Variants in CCDC150 observed in about 807,000 individuals in gnomAD.
CCDC150 encodes the protein coiled-coil domain containing 150, also known as coiled-coil domain-containing protein 150.
Under a neutral mutation model 156.5 loss-of-function variants are expected in CCDC150, and 151 were observed. The observed-to-expected ratio is 0.97, with a 90% CI of 0.85 to 1.10. The LOEUF is 1.10. Ranked by LOEUF, CCDC150 falls within the 50% of genes least tolerant of loss-of-function variation. CCDC150 has a pLI of 0.00. For missense variants in CCDC150, 1,312 were observed against 1,268.1 expected (o/e 1.03, Z -0.53); for synonymous variants, 452 against 429.4 (o/e 1.05, Z -0.65).
chr2:196,678,127 TAAAC>T (rs2125619989), intron 13 of CCDC150, among the ~76,000 whole-genome samples: 1 of 152,330 alleles, frequency 6.6e-6, no homozygotes, highest in Non-Finnish European at 1.5e-5. Flanking sequence ...TTATTAAAAT[TAAAC>T]AAGAACCAAT....
In CCDC150 at chr2:196,642,722, A is replaced by T. The variant is rs140565457; in HGVS notation, c.12+2944A>T. Among the ~76,000 whole-genome samples, 42 of 151,630 alleles carry T rather than the reference A, an allele frequency of 2.8e-4. No individual in the cohort carries two copies. In the East Asian group the frequency reaches 7.7e-3, roughly 28 times the overall value. Reference sequence around the variant, plus strand: ...GGTTGGGAGGGAAGGTTTTTAACTAACCCTGAGACTTGTTTTCATTTTTTA... The same window carrying T: ...GGTTGGGAGGGAAGGTTTTTAACTATCCCTGAGACTTGTTTTCATTTTTTA... On this transcript the variant is annotated intron_variant, in intron 1 of 27. Transcript: ENST00000389175.
chr2:196,656,511 A>C lies in CCDC150; in HGVS notation c.177-122A>C, dbSNP rs1054135905. On this transcript the variant is annotated intron_variant, in intron 2 of 27. Coordinates refer to ENST00000389175, the MANE Select transcript of CCDC150 (RefSeq NM_001080539.2). The stretch of plus-strand genomic sequence containing the variant: ...GTGGAGGGAGAGTCAGAAGCCTGCC[A>C]TGTTGGTGATGTCACTCTCCAATTA... The C allele has an allele frequency of 1.0e-5, 7 of 676,324 alleles. No individual in the cohort carries two copies. The East Asian group carries it at 1.9e-4, about 18-fold the overall frequency. The allele number at this position is 676,324 out of a possible 1,614,324, so 41.9% of individuals were successfully genotyped here. A position where few individuals can be genotyped will look rare whatever the true frequency, so the allele number is the denominator to read the frequency against.
chr2:196,662,411 G>A (rs921604251), intron 5 of CCDC150, among the ~76,000 whole-genome samples: 2 of 152,154 alleles, frequency 1.3e-5, no homozygotes, highest in African/African-American at 4.8e-5. Context: ...GAATGGTTTT[G>A]GGATGAAACT....
At chr2:196,708,632 C>T (rs932277304) in intron 15 of CCDC150, among the ~76,000 whole-genome samples, 4 of 152,172 alleles carry the variant, frequency 2.6e-5, no homozygotes, top group Non-Finnish European at 4.4e-5. Flanking sequence ...CATGTTTTTG[C>T]AGTGGCTGGT....
intron 14 of CCDC150, among the ~76,000 whole-genome samples, chr2:196,697,378 C>T (rs576843438): frequency 1.3e-5 from 2 of 152,054 alleles, no homozygotes; most frequent in South Asian, 2.1e-4. Flanking sequence ...CTGGCAGTCA[C>T]GCAGGGAACC....
intron 22 of CCDC150, 157 bp downstream of exon 22, chr2:196,726,256 A>T: frequency 1.3e-6 from 1 of 748,948 alleles, no homozygotes; most frequent in Non-Finnish European, 2.0e-6. Flanking sequence ...AGCAACACAC[A>T]AGAAAAAAGT....
chr2:196,721,612 C>T lies in CCDC150; in HGVS notation c.2350C>T (p.His784Tyr), dbSNP rs1049147073. 1 of 1,606,900 alleles carries T rather than the reference C, an allele frequency of 6.2e-7. No individual in the cohort carries two copies. The highest frequency in any genetic ancestry group is 1.3e-5 in the African/African-American group (1 of 74,860). Residue 784 changes from histidine (H) to tyrosine (Y), a missense_variant, in exon 21 of 28, where the codon CAT (histidine) becomes TAT (tyrosine). Transcript: ENST00000389175. ...SLEQALQTNN[H>Y]LQTKLDHIQE... The stretch of plus-strand genomic sequence containing the variant: ...GGAACAAGCTCTCCAGACAAATAAT[C>T]ATCTGCAAACAAAGCTAGATCACAT...
intron 15 of CCDC150, among the ~76,000 whole-genome samples, chr2:196,707,542 C>T (rs546928441): frequency 6.6e-6 from 1 of 152,204 alleles, no homozygotes; most frequent in East Asian, 1.9e-4. Flanking sequence ...TATTTCTTGC[C>T]TGCTGCTAGC....
At chr2:196,650,545 C>T (rs1266909718) in intron 2 of CCDC150, among the ~76,000 whole-genome samples, 1 of 152,190 alleles carries the variant, frequency 6.6e-6, no homozygotes, top group East Asian at 1.9e-4. Context: ...AGGCAAGTGC[C>T]ACCACGCCTG....
chr2:196,683,629 T>C (rs1405239511), intron 13 of CCDC150, among the ~76,000 whole-genome samples: 1 of 152,076 alleles, frequency 6.6e-6, no homozygotes, highest in Non-Finnish European at 1.5e-5. Flanking sequence ...AGTGAAGCCA[T>C]CTGGTTCTGG....
intron 7 of CCDC150, among the ~76,000 whole-genome samples, chr2:196,668,518 A>G (rs1244044522): frequency 6.6e-6 from 1 of 152,166 alleles, no homozygotes; most frequent in African/African-American, 2.4e-5. Context: ...AACAACAATA[A>G]TTCAAACTGA....
chr2:196,673,340 G>A (rs963002334), intron 9 of CCDC150, among the ~76,000 whole-genome samples: 9 of 152,156 alleles, frequency 5.9e-5, no homozygotes, highest in Admixed American at 5.9e-4. Context: ...TTGAACTCAG[G>A]TAACCTGGCT....
chr2:196,646,607 G>A, intron 2 of CCDC150, 103 bp downstream of exon 2: 1 of 833,178 alleles, frequency 1.2e-6, no homozygotes, highest in Non-Finnish European at 1.9e-6. Flanking sequence ...CAAAAGAACT[G>A]AGAAATAATT....
intron 18 of CCDC150, among the ~76,000 whole-genome samples, chr2:196,719,010 C>T (rs1236625475): frequency 6.6e-6 from 1 of 152,298 alleles, no homozygotes; most frequent in East Asian, 1.9e-4. Flanking sequence ...GAATAGAGGT[C>T]ACATCCCAAA....
intron 21 of CCDC150, among the ~76,000 whole-genome samples, chr2:196,722,307 G>A (rs1046652267): frequency 3.3e-5 from 5 of 151,850 alleles, no homozygotes; most frequent in African/African-American, 9.7e-5. Flanking sequence ...ACTGGGTCTC[G>A]CCCTGTTGCC....
chr2:196,701,210 T>A, intron 15 of CCDC150, 30 bp downstream of exon 15: 1 of 1,437,598 alleles, frequency 7.0e-7, no homozygotes, highest in Non-Finnish European at 9.6e-7. Context: ...ATTTTTCTTG[T>A]TTGAATTTTA....
intron 11 of CCDC150, 133 bp downstream of exon 11, chr2:196,676,400 A>C: frequency 3.0e-6 from 4 of 1,343,506 alleles, no homozygotes; most frequent in Non-Finnish European, 4.1e-6. Context: ...ACAGAGCTAA[A>C]ATAAAGACTC....
intron 21 of CCDC150, 21 bp from the exon 22 acceptor site, chr2:196,725,952 C>A: frequency 6.4e-7 from 1 of 1,573,936 alleles, no homozygotes; most frequent in South Asian, 1.2e-5. Flanking sequence ...GGTGACTTAT[C>A]ACCTCTCTTC....
At chr2:196,716,723 T>C (rs909517102) in intron 17 of CCDC150, among the ~76,000 whole-genome samples, 3 of 152,000 alleles carry the variant, frequency 2.0e-5, no homozygotes, top group Non-Finnish European at 2.9e-5. Flanking sequence ...TGAAAACTTA[T>C]CAAAATGTAC....
Sources: gnomAD v4.1 joint callset for allele counts (sites outside exome capture counted in the v4.1 genomes callset) on GRCh38, gnomAD v4.1.1 for gene constraint, MANE v1.5 for transcripts, NCBI Gene and HGNC (gene_info 2026-07-23, HGNC 2026-07-21) for gene names.